The following PTPRB variants were observed in gnomAD, a reference collection of about 807,000 sequenced individuals.
PTPRB encodes receptor-type tyrosine-protein phosphatase beta.
Under a neutral mutation model 238.1 loss-of-function variants are expected in PTPRB, and 97 were observed. That is an observed-to-expected ratio of 0.41 (90% CI 0.35 to 0.48). The LOEUF (loss-of-function observed/expected upper bound fraction) is 0.48, where lower values mean the gene tolerates loss of function less well. Among genes scored for constraint, PTPRB ranks in the 20% least tolerant of loss-of-function variants. The pLI is 0.30. For synonymous variants in PTPRB, 970 were observed against 995.4 expected (o/e 0.97, Z 0.48); for missense variants, 2,292 against 2,681.9 (o/e 0.85, Z 3.21).
intron 2 of PTPRB, among the ~76,000 whole-genome samples, chr12:70,626,339 CTATCTATCTATCTATCT>C (rs1333835880): frequency 6.8e-6 from 1 of 146,632 alleles, no homozygotes; most frequent in African/African-American, 2.6e-5. Flanking sequence ...ATCTATCTAT[CTATCTATCTATCTATCT>C]ATCTATCTAT....
chr12:70,603,574 A>G (rs1014235794), intron 4 of PTPRB, among the ~76,000 whole-genome samples: 3 of 152,192 alleles, frequency 2.0e-5, no homozygotes, highest in Non-Finnish European at 4.4e-5. Context: ...ACTCTATTGT[A>G]TGTTAGCTGT....
At chr12:70,544,813 A>G in intron 21 of PTPRB, 150 bp from the exon 22 acceptor site, 1 of 504,322 alleles carries the variant, frequency 2.0e-6, no homozygotes, top group Non-Finnish European at 3.5e-6. Flanking sequence ...GGGTTCATGC[A>G]TTCATTCATC....
chr12:70,636,171 C>G (rs1385455130), intron 1 of PTPRB, 105 bp from the exon 2 acceptor site: 1 of 1,145,164 alleles, frequency 8.7e-7, no homozygotes, highest in East Asian at 2.6e-5. Context: ...ACTAGTTTTA[C>G]TTATATTTTG....
intron 14 of PTPRB, among the ~76,000 whole-genome samples, chr12:70,568,372 A>G (rs1879582529): frequency 6.6e-6 from 1 of 152,040 alleles, no homozygotes; most frequent in Non-Finnish European, 1.5e-5. Flanking sequence ...ATCTCAGCTC[A>G]CTGCAAGCTC....
chr12:70,599,959 CA>C (rs958142628), intron 4 of PTPRB, among the ~76,000 whole-genome samples: 1 of 143,286 alleles, frequency 7.0e-6, no homozygotes, highest in African/African-American at 2.6e-5. Flanking sequence ...TCAGCCTGGG[CA>C]ACATAGAAAG....
intron 32 of PTPRB, among the ~76,000 whole-genome samples, 181 bp from the exon 33 acceptor site, chr12:70,524,772 C>A (rs180853679): frequency 2.2e-4 from 33 of 151,938 alleles, no homozygotes; most frequent in African/African-American, 6.3e-4. Context: ...GAAAAGAGAA[C>A]AATGGTAATG....
In PTPRB at chr12:70,579,630, G is replaced by T. The variant is rs151166516; in HGVS notation, c.2578+1406C>A. 5.3e-3 allele frequency among the ~76,000 whole-genome samples: 806 copies of T among 150,744 alleles called. 5 individuals are homozygous for T. The highest frequency in any genetic ancestry group is 0.018 in the African/African-American group (749 of 40,978). Reference sequence around the variant, plus strand: ...GAGAATCGCTTGAACCAGGGAGTCGGAGGTTGCAGTGAGCCAAGATCGTGC... The same window carrying T: ...GAGAATCGCTTGAACCAGGGAGTCGTAGGTTGCAGTGAGCCAAGATCGTGC... On this transcript the variant is annotated intron_variant, in intron 10 of 33. Transcript: ENST00000334414.
chr12:70,530,131 A>T (rs1241438186), intron 32 of PTPRB, among the ~76,000 whole-genome samples: 1 of 152,210 alleles, frequency 6.6e-6, no homozygotes, highest in African/African-American at 2.4e-5. Flanking sequence ...AGACACTTCA[A>T]CCAAATGAAA....
In PTPRB at chr12:70,552,967, A is replaced by G; in HGVS notation, c.5197T>C (p.Tyr1733His). The change falls in exon 21 of 34, where the codon TAC becomes CAC. Residue 1733 changes from tyrosine to histidine, a missense_variant. Tyr to His is a moderately conservative substitution (Grantham distance 83, BLOSUM62 2). Around this residue, in one of 4 missense-constraint regions of PTPRB, gnomAD observed 683 missense variants for 862.0 expected, o/e 0.79. Coordinates refer to ENST00000334414, the MANE Select transcript of PTPRB (RefSeq NM_001109754.4). ...ACCCGAATGGAGGCATTGTGCCTGT[A>G]CTCCAGGTAGGAAGGGAGAGGGTGC... ...QQHPLPSYLE[Y>H]RHNASIRVYQ... 1 of 1,613,774 alleles carries G rather than the reference A, an allele frequency of 6.2e-7. No individual in the cohort carries two copies. Among genetic ancestry groups the G allele is most frequent in the Non-Finnish European group, 8.5e-7 (1 of 1,179,744 alleles).
At chr12:70,533,978 A>G (rs58467533) in intron 31 of PTPRB, among the ~76,000 whole-genome samples, 4,999 of 152,320 alleles carry the variant, frequency 0.033, 175 homozygotes, top group East Asian at 0.15. Flanking sequence ...ACAAATAGAC[A>G]AAGACATGCT....
At chr12:70,550,070 G>T (rs1400428942) in intron 21 of PTPRB, among the ~76,000 whole-genome samples, 3 of 152,198 alleles carry the variant, frequency 2.0e-5, no homozygotes, top group African/African-American at 7.2e-5. Context: ...TCGATAAAGG[G>T]TTAAAAGCCA....
At position 70,516,345 on chromosome 12, in the gene PTPRB, A is replaced by T. The variant is rs1871196330; in HGVS notation, c.*5144T>A. The T allele has an allele frequency of 6.6e-6, 1 of 152,212 alleles. No homozygotes were observed. The highest frequency in any genetic ancestry group is 1.5e-5 in the Non-Finnish European group (1 of 68,042). The allele number at this position is 152,212 out of a possible 1,614,324, so 9.4% of individuals were successfully genotyped here. A position where few individuals can be genotyped will look rare whatever the true frequency, so the allele number is the denominator to read the frequency against. On this transcript the variant is annotated 3_prime_UTR_variant, in exon 34 of 34. Coordinates refer to ENST00000334414, the MANE Select transcript of PTPRB (RefSeq NM_001109754.4). ...ACTAATTTCCACAAGGTAGGAGTCG[A>T]GACGAGATTAAAGACTTGGTCCTTG... is the stretch of plus-strand genomic sequence containing the variant.
chr12:70,570,021 T>C (rs2136371518), intron 13 of PTPRB, 83 bp from the exon 14 acceptor site: 1 of 1,310,288 alleles, frequency 7.6e-7, no homozygotes, highest in African/African-American at 1.5e-5. Flanking sequence ...ATGCTTCTGA[T>C]GTTTTGGCAC....
At chr12:70,522,863 C>CTTTTTTTT (rs35913444) in intron 33 of PTPRB, among the ~76,000 whole-genome samples, 23 of 118,228 alleles carry the variant, frequency 1.9e-4, no homozygotes, top group African/African-American at 3.7e-4. Context: ...TTTGTTTTTT[C>CTTTTTTTT]TTTTTTTTTT....
Position 70,599,482 on chromosome 12 carries a change from A to G in PTPRB, c.980-3155T>C, listed in dbSNP as rs544272249. Among the ~76,000 whole-genome samples, 5 of 152,226 alleles carry G rather than the reference A, an allele frequency of 3.3e-5. No individual in the cohort carries two copies. In the South Asian group the frequency reaches 8.3e-4, roughly 25 times the overall value. ...TATAAAATATGAGAACTAATAATAAATCAAATCAAAAAATAATAAATCAAA... is the reference window on the plus strand; with the variant it reads ...TATAAAATATGAGAACTAATAATAAGTCAAATCAAAAAATAATAAATCAAA... On this transcript the variant is annotated intron_variant, in intron 4 of 33. Coordinates refer to ENST00000334414, the MANE Select transcript of PTPRB (RefSeq NM_001109754.4).
At chr12:70,521,925 A>G (rs1025679604) in intron 33 of PTPRB, among the ~76,000 whole-genome samples, 1 of 152,236 alleles carries the variant, frequency 6.6e-6, no homozygotes, top group Non-Finnish European at 1.5e-5. Flanking sequence ...AGTCAAAACA[A>G]GACAAAGGAA....
In PTPRB at chr12:70,622,724, CAA is replaced by C. The variant is rs1592602638; in HGVS notation, c.452-80_452-79del. The C allele has an allele frequency of 2.8e-6, 4 of 1,442,912 alleles. No homozygotes were observed. In the East Asian group the frequency reaches 1.0e-4, roughly 36 times the overall value. The allele number at this position is 1,442,912 out of a possible 1,614,324, so 89.4% of individuals were successfully genotyped here. On this transcript the variant is annotated intron_variant, in intron 2 of 33. Coordinates refer to ENST00000334414, the MANE Select transcript of PTPRB (RefSeq NM_001109754.4). ...TTCACATAAAATCAATTTTACTTAG[CAA>C]AAGAGGGCCTTTTCAATAATGGGCA...
At chr12:70,579,998 A>G (rs1013810710) in intron 10 of PTPRB, among the ~76,000 whole-genome samples, 1 of 152,132 alleles carries the variant, frequency 6.6e-6, no homozygotes, top group African/African-American at 2.4e-5. Flanking sequence ...AATTAAGTAG[A>G]CAAGGTCCCA....
chr12:70,595,990 A>G (rs1882972564), intron 5 of PTPRB, 59 bp downstream of exon 5: 1 of 1,371,996 alleles, frequency 7.3e-7, no homozygotes, highest in Non-Finnish European at 9.7e-7. Context: ...TTCCTTGAAT[A>G]AAGTATAACT....
Sources: gnomAD v4.1 joint callset for allele counts (sites outside exome capture counted in the v4.1 genomes callset) on GRCh38, gnomAD v4.1.1 for gene constraint, gnomAD v4.1.1 regional missense constraint, MANE v1.5 for transcripts, NCBI Gene and HGNC (gene_info 2026-07-23, HGNC 2026-07-21) for gene names.